BTD: variants seen among roughly 807,000 people sequenced by gnomAD.
The protein encoded by BTD is biocytinase.
Under a neutral mutation model 17.7 loss-of-function variants are expected in BTD, and 13 were observed. The ratio of observed to expected loss-of-function variants is 0.74; its 90% confidence interval spans 0.48 to 1.17. BTD has a LOEUF of 1.17. BTD is among the 50% of genes most tolerant of loss of function. The pLI, the probability that BTD is intolerant of heterozygous loss-of-function variation, is 0.00. For missense variants in BTD, 674 were observed against 650.4 expected (o/e 1.04, Z -0.39); for synonymous variants, 240 against 245.2 (o/e 0.98, Z 0.20).
intron 1 of BTD, among the ~76,000 whole-genome samples, chr3:15,622,581 T>C (rs1425704608): frequency 6.6e-6 from 1 of 152,226 alleles, no homozygotes; most frequent in Non-Finnish European, 1.5e-5. Context: ...TTGATGGTGC[T>C]ACTGAATTCA....
chr3:15,685,295 A>G, intron 3 of BTD: 1 of 1,614,026 alleles, frequency 6.2e-7, no homozygotes, highest in East Asian at 2.2e-5. Context: ...GCATCCATAG[A>G]TGCTGCTGAC....
intron 3 of BTD, chr3:15,677,603 T>C (rs1362325303): frequency 2.1e-6 from 3 of 1,449,520 alleles, no homozygotes; most frequent in Non-Finnish European, 9.7e-7. Flanking sequence ...TTTATGAACA[T>C]GTTTCTTAGA....
At chr3:15,677,506 T>C in intron 3 of BTD, 1 of 1,613,042 alleles carries the variant, frequency 6.2e-7, no homozygotes, top group Non-Finnish European at 8.5e-7. Context: ...TGGAGGGCAG[T>C]ATTTTTACTG....
chr3:15,685,560 G>A, intron 3 of BTD: 1 of 904,504 alleles, frequency 1.1e-6, no homozygotes, highest in East Asian at 2.5e-5. Flanking sequence ...ATCAATTAAA[G>A]CCATTTATCA....
At chr3:15,620,213 G>A (rs1370133734) in intron 1 of BTD, among the ~76,000 whole-genome samples, 2 of 152,208 alleles carry the variant, frequency 1.3e-5, no homozygotes, top group African/African-American at 2.4e-5. Flanking sequence ...CCAGGGCTGA[G>A]TTTTCCCAAC....
intron 3 of BTD, chr3:15,679,558 C>T (rs368625269): frequency 5.0e-6 from 8 of 1,610,070 alleles, no homozygotes; most frequent in African/African-American, 1.3e-5. Flanking sequence ...ACACATGTCT[C>T]GTGACCTAAA....
intron 3 of BTD, chr3:15,677,340 T>G: frequency 1.5e-6 from 1 of 649,200 alleles, no homozygotes; most frequent in Non-Finnish European, 2.6e-6. Flanking sequence ...GCCTTATAAG[T>G]CAATTTTGTT....
At position 15,697,495 on chromosome 3, in the gene BTD, T is replaced by C. The variant is rs1225727761; in HGVS notation, c.400-12565T>C. ...TGAAATAAAATACAATAAAAATAAA[T>C]TTAATCATGTGTTTGTTTTTTTTTT... On this transcript the variant is annotated intron_variant, in intron 3 of 3. Coordinates refer to the BTD transcript ENST00000672141. The C allele has an allele frequency of 2.6e-5, 4 of 152,050 alleles. No homozygotes were observed. The East Asian group carries it at 7.7e-4, about 29-fold the overall frequency. The allele number at this position is 152,050 out of a possible 1,614,324, so 9.4% of individuals were successfully genotyped here. A position where few individuals can be genotyped will look rare whatever the true frequency, so the allele number is the denominator to read the frequency against.
chr3:15,608,160 C>T (rs1377081564), intron 1 of BTD, among the ~76,000 whole-genome samples: 1 of 152,204 alleles, frequency 6.6e-6, no homozygotes, highest in African/African-American at 2.4e-5. Flanking sequence ...TGGATTCCTG[C>T]CTTTGGCTTG....
downstream of BTD, among the ~76,000 whole-genome samples, chr3:15,716,506 A>G (rs763783471): frequency 6.7e-6 from 1 of 150,270 alleles, no homozygotes; most frequent in African/African-American, 2.5e-5. Flanking sequence ...CTGGTTTTGA[A>G]CTCTTGGGCT....
intron 3 of BTD, among the ~76,000 whole-genome samples, chr3:15,671,217 C>T (rs918301865): frequency 2.0e-5 from 3 of 151,862 alleles, no homozygotes; most frequent in Admixed American, 1.3e-4. Context: ...TTTTTTTAAG[C>T]GGAAGACAAC....
chr3:15,716,281 CTT>C (rs373633047), downstream of BTD, among the ~76,000 whole-genome samples: 30 of 113,622 alleles, frequency 2.6e-4, no homozygotes, highest in Admixed American at 4.5e-4. Flanking sequence ...CGCACCTGGA[CTT>C]TTTTTTTTTT....
intron 1 of BTD, among the ~76,000 whole-genome samples, chr3:15,603,440 G>T (rs2125322244): frequency 6.6e-6 from 1 of 152,256 alleles, no homozygotes; most frequent in South Asian, 2.1e-4. Context: ...GGCGGATCAT[G>T]AGGTCAAGAG....
At chr3:15,637,478 G>A (rs909165078) in intron 2 of BTD, among the ~76,000 whole-genome samples, 1 of 152,206 alleles carries the variant, frequency 6.6e-6, no homozygotes, top group Admixed American at 6.5e-5. Flanking sequence ...CTGAGGGCAA[G>A]ACTTCACATT....
intron 1 of BTD, among the ~76,000 whole-genome samples, chr3:15,608,625 G>T (rs1435429895): frequency 6.6e-6 from 1 of 152,120 alleles, no homozygotes; most frequent in South Asian, 2.1e-4. Flanking sequence ...AATTAGCTGG[G>T]CATGGTGATG....
At chr3:15,706,492 A>G (rs1208268690) in intron 3 of BTD, among the ~76,000 whole-genome samples, 1 of 152,146 alleles carries the variant, frequency 6.6e-6, no homozygotes, top group Non-Finnish European at 1.5e-5. Flanking sequence ...TCTATCATTG[A>G]TGGACATTTG....
downstream of BTD, chr3:15,714,616 T>C (rs2072779254): frequency 6.3e-7 from 1 of 1,599,682 alleles, no homozygotes; most frequent in Non-Finnish European, 8.5e-7. Context: ...GAATCTACCG[T>C]GGAGAGCAGT....
chr3:15,691,971 T>C (rs950524995), intron 3 of BTD, among the ~76,000 whole-genome samples: 3 of 151,456 alleles, frequency 2.0e-5, no homozygotes, highest in African/African-American at 7.3e-5. Flanking sequence ...CTGCCAAAAA[T>C]AAATAAACAA....
chr3:15,607,921 G>A (rs1165121800), intron 1 of BTD, among the ~76,000 whole-genome samples: 1 of 152,194 alleles, frequency 6.6e-6, no homozygotes, highest in Non-Finnish European at 1.5e-5. Flanking sequence ...AATAAAGTGG[G>A]TTAAATTGAT....
Sources: allele counts gnomAD v4.1 joint callset (sites outside exome capture counted in the v4.1 genomes callset), GRCh38; gene constraint gnomAD v4.1.1; transcripts MANE v1.5; gene names NCBI Gene and HGNC (gene_info 2026-07-23, HGNC 2026-07-21).